Variants in REPS2 observed in about 807,000 individuals in gnomAD.
REPS2 encodes the protein RALBP1 associated Eps domain containing 2.
REPS2 carries 23 observed loss-of-function variants against 53.6 expected under a neutral mutation model. The observed-to-expected ratio is 0.43, with a 90% CI of 0.31 to 0.61. The LOEUF (loss-of-function observed/expected upper bound fraction) is 0.61. Ranked by LOEUF, REPS2 falls within the 20% of genes least tolerant of loss-of-function variation. The pLI, the probability that REPS2 is intolerant of heterozygous loss-of-function variation, is 0.11. For synonymous variants in REPS2, 238 were observed against 218.6 expected (o/e 1.09, Z -0.78); for missense variants, 446 against 534.9 (o/e 0.83, Z 1.64).
At chrX:16,999,713 G>A (rs183515927) in intron 1 of REPS2, among the ~76,000 whole-genome samples, 2 of 111,800 alleles carry the variant, frequency 1.8e-5, no homozygotes, top group East Asian at 5.6e-4. Context: ...TGTTTTCAAA[G>A]AATGGTTCTA....
chrX:16,976,625 A>G (rs1329680210), intron 1 of REPS2, among the ~76,000 whole-genome samples: 1 of 111,739 alleles, frequency 8.9e-6, no homozygotes, highest in Admixed American at 9.5e-5. Flanking sequence ...ACAAAACTAT[A>G]AAACACTTTG....
chrX:17,066,640 G>A (rs779414509), intron 9 of REPS2, among the ~76,000 whole-genome samples: 9 of 112,221 alleles, frequency 8.0e-5, no homozygotes, highest in Non-Finnish European at 1.7e-4. Flanking sequence ...ATGTGAGGCC[G>A]AGGTGGGCAG....
At chrX:16,983,750 C>T (rs2061053207) in intron 1 of REPS2, among the ~76,000 whole-genome samples, 1 of 112,990 alleles carries the variant, frequency 8.9e-6, no homozygotes. Flanking sequence ...TGTGATCCCC[C>T]AGCCTTGGCC....
At chrX:17,179,622 C>T in the REPS2 span, among the ~76,000 whole-genome samples, 2 of 111,987 alleles carry the variant, frequency 1.8e-5, no homozygotes, top group African/African-American at 3.3e-5. Flanking sequence ...TGAGGGCATA[C>T]ATAAATTATT....
rs745657471 is a variant in REPS2 at position 17,022,355 on chromosome X, C to T, written c.546+84C>T. On this transcript the variant is annotated intron_variant, in intron 3 of 17. Coordinates refer to ENST00000357277, the MANE Select transcript of REPS2 (RefSeq NM_004726.3). ...GGCCTCGTATCTACTGTTCAGCTTC[C>T]AGCAAATCTCACCATCTGGAACCCA... 5.6e-6 allele frequency: 5 copies of T among 894,938 alleles called. No individual in the cohort carries two copies. The African/African-American group carries it at 1.0e-4, about 18-fold the overall frequency. The allele number at this position is 894,938 out of a possible 1,213,427, so 73.8% of individuals were successfully genotyped here. A position where few individuals can be genotyped will look rare whatever the true frequency, so the allele number is the denominator to read the frequency against.
intron 13 of REPS2, among the ~76,000 whole-genome samples, chrX:17,087,327 A>G (rs1218545498): frequency 8.9e-6 from 1 of 112,014 alleles, no homozygotes; most frequent in Non-Finnish European, 1.9e-5. Context: ...ATGTGATTAT[A>G]TTAGCTCAGT....
At chrX:17,033,641 G>A (rs1033132313) in intron 5 of REPS2, among the ~76,000 whole-genome samples, 2 of 111,921 alleles carry the variant, frequency 1.8e-5, no homozygotes, top group African/African-American at 3.2e-5. Context: ...GTACTTCTTC[G>A]TTCAGGCCAT....
chrX:16,960,412 T>C (rs773637866), intron 1 of REPS2, among the ~76,000 whole-genome samples: 2 of 112,067 alleles, frequency 1.8e-5, no homozygotes, highest in African/African-American at 6.5e-5. Context: ...TCAATACATG[T>C]AGAAATAGCA....
At chrX:17,091,179 TTAAG>T (rs1339721423) in intron 13 of REPS2, among the ~76,000 whole-genome samples, 1 of 112,374 alleles carries the variant, frequency 8.9e-6, no homozygotes, top group African/African-American at 3.2e-5. Context: ...TCAGAAGTCT[TTAAG>T]TATTTGCTAC....
At chrX:17,096,430 C>T (rs1015142053) in intron 13 of REPS2, among the ~76,000 whole-genome samples, 65 of 109,450 alleles carry the variant, frequency 5.9e-4, no homozygotes, top group African/African-American at 2.1e-3. Context: ...GAGGCCGAGG[C>T]GGGCGGATCA....
intron 5 of REPS2, among the ~76,000 whole-genome samples, chrX:17,042,842 C>T (rs1221899537): frequency 9.0e-6 from 1 of 111,363 alleles, no homozygotes; most frequent in Non-Finnish European, 1.9e-5. Context: ...ATCACCCAGG[C>T]TGGGGTTCAG....
chrX:17,191,493 G>A, the REPS2 span, among the ~76,000 whole-genome samples: 2 of 112,356 alleles, frequency 1.8e-5, no homozygotes, highest in Admixed American at 1.9e-4. Flanking sequence ...TAGTGGGAGT[G>A]TAAAATGTTA....
chrX:17,099,975 C>T (rs1180325273), intron 13 of REPS2: 2 of 1,159,262 alleles, frequency 1.7e-6, no homozygotes, highest in East Asian at 3.0e-5. Flanking sequence ...CGGCTCCAAA[C>T]CCTGAGCAAA....
chrX:16,995,640 C>A (rs2147772238), intron 1 of REPS2, among the ~76,000 whole-genome samples: 1 of 112,103 alleles, frequency 8.9e-6, no homozygotes, highest in East Asian at 2.8e-4. Flanking sequence ...TCTGACACGG[C>A]TTGCCCTTTT....
chrX:17,132,471 G>A (rs1370795137), intron 14 of REPS2, among the ~76,000 whole-genome samples: 3 of 112,850 alleles, frequency 2.7e-5, no homozygotes, highest in Non-Finnish European at 5.6e-5. Flanking sequence ...GAGCCAAGAA[G>A]ATGTCTTTAA....
At chrX:17,194,001 C>T in the REPS2 span, among the ~76,000 whole-genome samples, 1 of 111,634 alleles carries the variant, frequency 9.0e-6, no homozygotes, top group Non-Finnish European at 1.9e-5. Flanking sequence ...GTGCTCTCTG[C>T]GTTCATTTTA....
intron 14 of REPS2, among the ~76,000 whole-genome samples, chrX:17,132,826 C>CG (rs1170735451): frequency 2.7e-5 from 3 of 112,437 alleles, no homozygotes; most frequent in African/African-American, 9.7e-5. Context: ...GCATGAGCCA[C>CG]GGTGCCTGGC....
At chrX:17,052,097 G>T (rs2062011159) in intron 6 of REPS2, among the ~76,000 whole-genome samples, 1 of 112,042 alleles carries the variant, frequency 8.9e-6, no homozygotes, top group South Asian at 3.7e-4. Context: ...GAAAAATTTT[G>T]CAGATTTTGG....
chrX:17,002,166 G>A (rs1348378804), intron 1 of REPS2, among the ~76,000 whole-genome samples: 2 of 111,160 alleles, frequency 1.8e-5, no homozygotes, highest in Non-Finnish European at 3.8e-5. Flanking sequence ...GTCATGAGGT[G>A]TGTCTGTAAC....
Sources: gnomAD v4.1 joint callset for allele counts (sites outside exome capture counted in the v4.1 genomes callset) on GRCh38, gnomAD v4.1.1 for gene constraint, MANE v1.5 for transcripts, NCBI Gene and HGNC (gene_info 2026-07-23, HGNC 2026-07-21) for gene names.